Variants in CSRNP3 observed in about 807,000 individuals in gnomAD.
CSRNP3 encodes the protein cysteine and serine rich nuclear protein 3.
A neutral mutation model predicts 48.0 loss-of-function variants in CSRNP3; 12 were observed. The observed-to-expected ratio is 0.25, with a 90% CI of 0.16 to 0.41. The LOEUF (loss-of-function observed/expected upper bound fraction) is 0.41, where lower values mean the gene tolerates loss of function less well. Ranked by LOEUF, CSRNP3 falls within the 10% of genes least tolerant of loss-of-function variation. The pLI, the probability that CSRNP3 is intolerant of heterozygous loss-of-function variation, is 1.00. For missense variants in CSRNP3, 580 were observed against 724.4 expected (o/e 0.80, Z 2.29); for synonymous variants, 263 against 269.7 (o/e 0.98, Z 0.24).
chr2:165,594,551 T>A (rs1254074366), intron 3 of CSRNP3, among the ~76,000 whole-genome samples: 4 of 152,218 alleles, frequency 2.6e-5, no homozygotes, highest in Non-Finnish European at 4.4e-5. Context: ...ATTGCAATAC[T>A]GAAATGGAAA....
intron 5 of CSRNP3, among the ~76,000 whole-genome samples, chr2:165,671,248 A>C (rs1291972981): frequency 6.6e-6 from 1 of 152,212 alleles, no homozygotes; most frequent in Non-Finnish European, 1.5e-5. Context: ...TAATGATTCT[A>C]TTTGAGATAG....
At chr2:165,524,083 A>G (rs1684699563) in intron 3 of CSRNP3, among the ~76,000 whole-genome samples, 1 of 152,326 alleles carries the variant, frequency 6.6e-6, no homozygotes. Context: ...AGAATAAAGA[A>G]TCCAAAACCA....
chr2:165,623,323 G>A (rs1686373322), intron 4 of CSRNP3, among the ~76,000 whole-genome samples: 1 of 152,126 alleles, frequency 6.6e-6, no homozygotes, highest in South Asian at 2.1e-4. Flanking sequence ...GATCAGTGGG[G>A]GCATTAGATT....
chr2:165,652,188 T>C (rs1686922240), intron 4 of CSRNP3, among the ~76,000 whole-genome samples: 1 of 151,984 alleles, frequency 6.6e-6, no homozygotes, highest in African/African-American at 2.4e-5. Flanking sequence ...TATGTTGGGA[T>C]AAAAGAAAAG....
chr2:165,599,276 AG>A (rs369898615), intron 4 of CSRNP3, among the ~76,000 whole-genome samples: 3 of 68,914 alleles, frequency 4.4e-5, no homozygotes, highest in African/African-American at 1.6e-4. Context: ...AGAAAGAAAG[AG>A]AGAGAGAGAA....
At chr2:165,600,027 C>G (rs1432594619) in intron 4 of CSRNP3, among the ~76,000 whole-genome samples, 2 of 130,028 alleles carry the variant, frequency 1.5e-5, no homozygotes, top group African/African-American at 2.9e-5. Flanking sequence ...TGGTGTGCTG[C>G]ACCCATTAAC....
At chr2:165,619,260 A>G (rs1173826490) in intron 4 of CSRNP3, among the ~76,000 whole-genome samples, 10 of 152,192 alleles carry the variant, frequency 6.6e-5, no homozygotes, top group Non-Finnish European at 1.5e-4. Context: ...CTCTTCTTCT[A>G]TGTCCTAATT....
intron 3 of CSRNP3, among the ~76,000 whole-genome samples, chr2:165,548,876 T>C (rs1558931474): frequency 6.6e-6 from 1 of 152,062 alleles, no homozygotes; most frequent in East Asian, 1.9e-4. Flanking sequence ...TCCATATTCA[T>C]GGCATTTTCA....
At chr2:165,492,058 T>G (rs1049643706) in intron 1 of CSRNP3, among the ~76,000 whole-genome samples, 1 of 152,016 alleles carries the variant, frequency 6.6e-6, no homozygotes, top group South Asian at 2.1e-4. Context: ...TTTGTCCTCT[T>G]TCTAAATTCT....
chr2:165,538,713 T>A (rs1402624218), intron 3 of CSRNP3, among the ~76,000 whole-genome samples: 1 of 151,936 alleles, frequency 6.6e-6, no homozygotes, highest in Non-Finnish European at 1.5e-5. Context: ...TTACTTTCTG[T>A]TGAAGTGCCT....
At chr2:165,570,867 A>AG (rs1685363610) in intron 3 of CSRNP3, among the ~76,000 whole-genome samples, 1 of 151,984 alleles carries the variant, frequency 6.6e-6, no homozygotes, top group Admixed American at 6.6e-5. Context: ...ACCCATCAAA[A>AG]GGTATTTATT....
At chr2:165,609,766 A>T (rs566657730) in intron 4 of CSRNP3, among the ~76,000 whole-genome samples, 1 of 152,274 alleles carries the variant, frequency 6.6e-6, no homozygotes, top group African/African-American at 2.4e-5. Context: ...GACAAAAGAG[A>T]CATGTGACAG....
chr2:165,673,032 C>A (rs182325509), intron 5 of CSRNP3, among the ~76,000 whole-genome samples: 6 of 149,876 alleles, frequency 4.0e-5, no homozygotes, highest in African/African-American at 1.5e-4. Context: ...ATGATGAAGA[C>A]AAAACCCTGC....
In CSRNP3 at chr2:165,679,392, C is replaced by T. The variant is rs764857487; in HGVS notation, c.1397C>T (p.Ser466Leu). 1.2e-6 allele frequency: 2 copies of T among 1,613,558 alleles called. No individual in the cohort carries two copies. Among genetic ancestry groups the T allele is most frequent in the Non-Finnish European group, 1.7e-6 (2 of 1,179,884 alleles). ...ERDTVKNGTL[S>L]LVPYTMTPEQ... is the part of the protein sequence containing the mutation. Reference sequence around the variant, plus strand: ...GACACTGTCAAAAATGGTACCCTTTCGCTGGTGCCTTACACCATGACCCCG... The same window carrying T: ...GACACTGTCAAAAATGGTACCCTTTTGCTGGTGCCTTACACCATGACCCCG... Residue 466 changes from serine to leucine, a missense_variant, in exon 7 of 7, where the codon TCG becomes TTG. Physicochemically the swap from Ser to Leu is moderately radical, Grantham distance 145 (BLOSUM62 -2). Transcript: ENST00000651982.
intron 3 of CSRNP3, among the ~76,000 whole-genome samples, chr2:165,563,173 A>C (rs1368132179): frequency 6.6e-6 from 1 of 152,166 alleles, no homozygotes; most frequent in African/African-American, 2.4e-5. Flanking sequence ...AATTGTTAAA[A>C]CAAACTAAAT....
chr2:165,656,415 A>G (rs1687006104), intron 4 of CSRNP3, among the ~76,000 whole-genome samples: 1 of 152,180 alleles, frequency 6.6e-6, no homozygotes, highest in African/African-American at 2.4e-5. Flanking sequence ...GGCTCCCATC[A>G]TTACCACAAA....
chr2:165,653,489 G>A (rs1403513077), intron 4 of CSRNP3, among the ~76,000 whole-genome samples: 1 of 152,156 alleles, frequency 6.6e-6, no homozygotes, highest in Non-Finnish European at 1.5e-5. Context: ...CAAGGCCTTA[G>A]AAAATCACTT....
intron 3 of CSRNP3, among the ~76,000 whole-genome samples, chr2:165,533,527 G>C (rs1684842529): frequency 6.6e-6 from 1 of 152,042 alleles, no homozygotes; most frequent in Non-Finnish European, 1.5e-5. Flanking sequence ...TGTGTGCCCT[G>C]TGTTGAAACT....
At chr2:165,654,395 A>G (rs539749590) in intron 4 of CSRNP3, among the ~76,000 whole-genome samples, 1 of 152,338 alleles carries the variant, frequency 6.6e-6, no homozygotes, top group South Asian at 2.1e-4. Context: ...ATATATACAT[A>G]AATAAATGGA....
Sources: gnomAD v4.1 joint callset for allele counts (sites outside exome capture counted in the v4.1 genomes callset) on GRCh38, gnomAD v4.1.1 for gene constraint, MANE v1.5 for transcripts, NCBI Gene and HGNC (gene_info 2026-07-23, HGNC 2026-07-21) for gene names.